The following CC2D1A variants were observed in gnomAD, a reference collection of about 807,000 sequenced individuals.
CC2D1A encodes coiled-coil and C2 domain-containing protein 1A.
In CC2D1A, 68 loss-of-function variants were observed where a neutral mutation model predicts 123.8. The ratio of observed to expected loss-of-function variants is 0.55; its 90% CI spans 0.45 to 0.67. CC2D1A has a LOEUF of 0.67. CC2D1A is among the 30% of genes least tolerant of loss of function. The probability of loss-of-function intolerance (pLI) is 0.00; values close to 1 mark genes in which losing one functional copy is unlikely to be tolerated. For missense variants in CC2D1A, 1,185 were observed against 1,290.3 expected (o/e 0.92, Z 1.25); for synonymous variants, 477 against 528.0 (o/e 0.90, Z 1.32).
chr19:13,919,477 T>C (rs7250087), intron 11 of CC2D1A, among the ~76,000 whole-genome samples: 17,572 of 152,064 alleles, frequency 0.12, 3,389 homozygotes, highest in African/African-American at 0.4. Flanking sequence ...GGTGGTCATG[T>C]CTGTAATCCC....
chr19:13,912,669 A>G, intron 4 of CC2D1A, 76 bp downstream of exon 4: 1 of 1,454,448 alleles, frequency 6.9e-7, no homozygotes, highest in Middle Eastern at 1.7e-4. Flanking sequence ...AGCCTTTTTT[A>G]TGAGATGGAG....
intron 22 of CC2D1A, 83 bp from the exon 23 acceptor site, chr19:13,927,810 C>A: frequency 2.2e-6 from 3 of 1,372,826 alleles, no homozygotes; most frequent in African/African-American, 1.5e-5. Flanking sequence ...AAAAAAAAAC[C>A]AGTCTTGTTC....
chr19:13,913,029 G>A, intron 4 of CC2D1A, 139 bp from the exon 5 acceptor site: 1 of 861,096 alleles, frequency 1.2e-6, no homozygotes, highest in South Asian at 1.8e-5. Context: ...ACTGGGAAAT[G>A]GGGACCATGA....
intron 24 of CC2D1A, among the ~76,000 whole-genome samples, chr19:13,929,149 G>A (rs1971762879): frequency 6.6e-6 from 1 of 151,496 alleles, no homozygotes; most frequent in Non-Finnish European, 1.5e-5. Context: ...GACTACAGGA[G>A]CACACCACCA....
rs1318244718 is a variant in CC2D1A at position 13,925,953 on chromosome 19, TATATATAC to T, written c.1941-562_1941-555del. Among the ~76,000 whole-genome samples, 57 of 129,518 alleles carry T rather than the reference TATATATAC, an allele frequency of 4.4e-4. 1 individual carries two copies. Among genetic ancestry groups the T allele is most frequent in the African/African-American group, 1.2e-3 (37 of 29,938 alleles). The allele number at this position is 129,518 out of a possible 152,430, so 85.0% of individuals were successfully genotyped here. A position where few individuals can be genotyped will look rare whatever the true frequency, so the allele number is the denominator to read the frequency against. On this transcript the variant is annotated intron_variant, in intron 17 of 28. Transcript: ENST00000318003. ...AAAAAAATATATATATATATATATA[TATATATAC>T]ACGTATATATATGTGTATATATATA...
chr19:13,929,335 C>G (rs1218868016), intron 24 of CC2D1A, 44 bp from the exon 25 acceptor site: 1 of 1,595,144 alleles, frequency 6.3e-7, no homozygotes, highest in African/African-American at 1.3e-5. Context: ...CAGGGTTGGG[C>G]TGGGGGAATC....
chr19:13,908,390 C>T (rs995199460), intron 1 of CC2D1A, among the ~76,000 whole-genome samples: 2 of 152,108 alleles, frequency 1.3e-5, no homozygotes, highest in South Asian at 4.1e-4. Context: ...AGGTGATCCC[C>T]CCACCTTGGT....
chr19:13,930,365 T>C lies in CC2D1A; in HGVS notation c.2836-10T>C. ...CACCTCCATGACCCCAGTGGCCTCC[T>C]CTCCCCCAGCTGCAGCGGCTCCGCA... On this transcript the variant is annotated splice_polypyrimidine_tract_variant and intron_variant, in intron 28 of 28. Coordinates refer to ENST00000318003, the MANE Select transcript of CC2D1A (RefSeq NM_017721.5). The surrounding 1 kb of genome is among the most constrained non-coding windows in gnomAD (Gnocchi z 6.8). The C allele has an allele frequency of 6.2e-7, 1 of 1,613,324 alleles. No individual in the cohort carries two copies. The highest frequency in any genetic ancestry group is 8.5e-7 in the Non-Finnish European group (1 of 1,179,572).
chr19:13,930,790 C>G lies in CC2D1A; in HGVS notation c.*395C>G. On this transcript the variant is annotated 3_prime_UTR_variant, in exon 29 of 29. Transcript: ENST00000318003. The surrounding 1 kb of genome is among the most constrained non-coding windows in gnomAD (Gnocchi z 6.8). ...CCCCAAAGAAGCCACTGAGGCTGGC[C>G]GAGCCACACTGTCTCCCCAGGGGCG... The G allele has an allele frequency of 3.8e-6, 1 of 265,678 alleles. No individual in the cohort carries two copies. The highest frequency in any genetic ancestry group is 7.1e-6 in the Non-Finnish European group (1 of 140,134). The allele number at this position is 265,678 out of a possible 1,614,324, so 16.5% of individuals were successfully genotyped here.
At chr19:13,914,194 G>A (rs555894500) in intron 6 of CC2D1A, among the ~76,000 whole-genome samples, 7 of 151,416 alleles carry the variant, frequency 4.6e-5, no homozygotes, top group Admixed American at 2.0e-4. Flanking sequence ...AATTCTTTGA[G>A]ACAGGGTCTT....
rs1314481770 is a variant in CC2D1A, at chr19:13,918,921, C to A, written c.1028C>A (p.Pro343Gln). Residue 343 changes from proline (P) to glutamine (Q), a missense_variant, in exon 10 of 29, where the codon CCA becomes CAA. Transcript: ENST00000318003. ...CCCCTGTCCGGCCCAGAGGTGCCCCCACCCCCGAGGACCCTGCTGGAGGCG... is the reference window on the plus strand; with the variant it reads ...CCCCTGTCCGGCCCAGAGGTGCCCCAACCCCCGAGGACCCTGCTGGAGGCG... ...ATAPSTTEVP[P>Q]PPRTLLEALE... 12 of 1,609,556 alleles carry A rather than the reference C, an allele frequency of 7.5e-6. No individual in the cohort carries two copies. In the African/African-American group the frequency reaches 1.6e-4, roughly 21 times the overall value.
intron 7 of CC2D1A, 144 bp downstream of exon 7, chr19:13,918,338 C>T (rs1778450520): frequency 4.2e-6 from 5 of 1,180,230 alleles, no homozygotes; most frequent in Non-Finnish European, 5.9e-6. Flanking sequence ...TCAGTTTACC[C>T]CCTCTGTGAA....
At chr19:13,925,452 C>A (rs1010469369) in intron 17 of CC2D1A, among the ~76,000 whole-genome samples, 1 of 152,146 alleles carries the variant, frequency 6.6e-6, no homozygotes, top group Middle Eastern at 3.4e-3. Flanking sequence ...TGGTGGTAGG[C>A]GCCCATAGTC....
At chr19:13,910,407 C>CAA (rs766322114) in intron 2 of CC2D1A, among the ~76,000 whole-genome samples, 252 of 38,566 alleles carry the variant, frequency 6.5e-3, no homozygotes, top group Non-Finnish European at 8.4e-3. Flanking sequence ...GACTCCGTCT[C>CAA]AAAAAAAAAA....
intron 2 of CC2D1A, 148 bp downstream of exon 2, chr19:13,910,106 A>C: frequency 1.9e-4 from 134 of 705,392 alleles, no homozygotes; most frequent in Middle Eastern, 4.4e-4. Flanking sequence ...GAGAGTCAAG[A>C]TCGACTCTGA....
intron 19 of CC2D1A, 27 bp downstream of exon 19, chr19:13,926,752 G>T: frequency 1.2e-6 from 2 of 1,614,050 alleles, no homozygotes; most frequent in Non-Finnish European, 1.7e-6. Context: ...GGAGGGGAGG[G>T]CTGCAGCCTC....
intron 3 of CC2D1A, 40 bp from the exon 4 acceptor site, chr19:13,912,488 G>T (rs749383572): frequency 6.2e-7 from 1 of 1,614,120 alleles, no homozygotes; most frequent in Non-Finnish European, 8.5e-7. Flanking sequence ...CCCCCATCCA[G>T]CAGGCCCTTA....
Position 13,926,573 on chromosome 19 carries a change from A to G in CC2D1A, c.1997A>G (p.Asn666Ser), listed in dbSNP as rs758124450. ...CTCCTCTTCATCGTGAAGGGCATCAACTTGCCCACACCCCCAGGTGAGGGG... is the reference window on the plus strand; with the variant it reads ...CTCCTCTTCATCGTGAAGGGCATCAGCTTGCCCACACCCCCAGGTGAGGGG... ...DMLLFIVKGI[N>S]LPTPPGLSPG... Residue 666 changes from asparagine to serine, a missense_variant, in exon 18 of 29, where the codon AAC (asparagine) becomes AGC (serine). Coordinates refer to ENST00000318003, the MANE Select transcript of CC2D1A (RefSeq NM_017721.5). 5.5e-5 allele frequency: 88 copies of G among 1,613,964 alleles called. No individual in the cohort carries two copies. The highest frequency in any genetic ancestry group is 6.7e-5 in the African/African-American group (5 of 74,904).
In CC2D1A at chr19:13,920,622, A is replaced by G. The variant is rs755151795; in HGVS notation, c.1422A>G (p.Gly474=). ...CACCCTCAAGAACTCCCCAGTCGGG[A>G]TCAGCCCCAACAGCCAAAGCGCCCC... is the stretch of plus-strand genomic sequence containing the variant. ...KAPPSRTPQS[G]SAPTAKAPPK... is the part of the protein sequence containing the mutation. Residue 474 remains glycine (G), a synonymous_variant, in exon 13 of 29, where the codon GGA becomes GGG. Coordinates refer to ENST00000318003, the MANE Select transcript of CC2D1A (RefSeq NM_017721.5). The G allele has an allele frequency of 6.2e-7, 1 of 1,610,484 alleles. No individual in the cohort carries two copies.
Sources: allele counts gnomAD v4.1 joint callset (sites outside exome capture counted in the v4.1 genomes callset), GRCh38; gene constraint gnomAD v4.1.1; non-coding constraint Gnocchi (gnomAD v3.1); transcripts MANE v1.5; gene names NCBI Gene and HGNC (gene_info 2026-07-23, HGNC 2026-07-21).